The following CWF19L2 variants were observed in gnomAD, a reference collection of about 807,000 sequenced individuals.
The protein encoded by CWF19L2 is CWF19-like protein 2.
In CWF19L2, 98 loss-of-function variants were observed where a neutral mutation model predicts 111.7. The observed-to-expected ratio is 0.88, with a 90% CI of 0.75 to 1.04. The LOEUF (loss-of-function observed/expected upper bound fraction) is 1.04, where lower values mean the gene tolerates loss of function less well. Among genes scored for constraint, CWF19L2 ranks in the 50% least tolerant of loss-of-function variants. The probability of loss-of-function intolerance (pLI) is 0.00; values close to 1 mark genes in which losing one functional copy is unlikely to be tolerated. For synonymous variants in CWF19L2, 351 were observed against 342.9 expected, an observed-to-expected ratio of 1.02 and a Z score of -0.26; for missense variants, 1,101 against 1,051.4, an observed-to-expected ratio of 1.05 and a Z score of -0.65.
chr11:107,331,857 A>G (rs1206723187), intron 16 of CWF19L2, among the ~76,000 whole-genome samples: 1 of 152,222 alleles, frequency 6.6e-6, no homozygotes, highest in African/African-American at 2.4e-5. Flanking sequence ...GCAAAAAGGT[A>G]CAACCTGCTG....
chr11:107,426,809 T>C (rs1486943030), intron 8 of CWF19L2, among the ~76,000 whole-genome samples: 1 of 151,634 alleles, frequency 6.6e-6, no homozygotes, highest in Non-Finnish European at 1.5e-5. Flanking sequence ...AAGTTAAATA[T>C]ATATATTACA....
intron 12 of CWF19L2, among the ~76,000 whole-genome samples, chr11:107,383,328 C>T (rs559959): frequency 0.81 from 123,538 of 152,044 alleles, 50,810 homozygotes; most frequent in African/African-American, 0.94. Flanking sequence ...AGTGTTGGAA[C>T]TGAATTAGAG....
chr11:107,409,650 T>C (rs1861129299), intron 10 of CWF19L2, among the ~76,000 whole-genome samples: 2 of 152,108 alleles, frequency 1.3e-5, no homozygotes, highest in South Asian at 2.1e-4. Flanking sequence ...AGAATTAGGA[T>C]TGGATTTTTC....
chr11:107,337,534 C>T (rs916599536), intron 14 of CWF19L2, among the ~76,000 whole-genome samples: 1 of 151,990 alleles, frequency 6.6e-6, no homozygotes, highest in African/African-American at 2.4e-5. Flanking sequence ...AGCTAGGGAT[C>T]GAAAGAAAGG....
chr11:107,327,061 A>G lies in CWF19L2; in HGVS notation c.2542-8T>C. 1 of 1,580,810 alleles carries G rather than the reference A, an allele frequency of 6.3e-7. No homozygotes were observed. Among genetic ancestry groups the G allele is most frequent in the Non-Finnish European group, 8.6e-7 (1 of 1,168,604 alleles). On this transcript the variant is annotated splice_polypyrimidine_tract_variant and splice_region_variant and intron_variant, in intron 17 of 17. Transcript: ENST00000282251. ...CATCCCACCTATGATTTCCTTTTAAAGAAAGAGAAAAGCACAAACACAAGC... is the reference window on the plus strand; with the variant it reads ...CATCCCACCTATGATTTCCTTTTAAGGAAAGAGAAAAGCACAAACACAAGC...
intron 8 of CWF19L2, among the ~76,000 whole-genome samples, chr11:107,423,791 C>A (rs957387263): frequency 1.3e-5 from 2 of 151,844 alleles, no homozygotes; most frequent in Non-Finnish European, 2.9e-5. Flanking sequence ...TTAAGTCTGA[C>A]AGGATCAGAA....
intron 12 of CWF19L2, among the ~76,000 whole-genome samples, chr11:107,371,370 T>G (rs1197420807): frequency 7.3e-6 from 1 of 137,836 alleles, no homozygotes; most frequent in Non-Finnish European, 1.6e-5. Flanking sequence ...TCCTAATTCC[T>G]ACCTGAATTC....
At position 107,429,722 on chromosome 11, in the gene CWF19L2, C is replaced by G. The variant is rs112767786; in HGVS notation, c.781-271G>C. Among the ~76,000 whole-genome samples, 40 of 148,924 alleles carry G rather than the reference C, an allele frequency of 2.7e-4. 2 individuals are homozygous for G. Among genetic ancestry groups the G allele is most frequent in the African/African-American group, 9.9e-4 (40 of 40,364 alleles). ...CTAACACAAAGTATAACACAGAAAA[C>G]AGTAGAGACAAACTTTGCAAAAAAT... On this transcript the variant is annotated intron_variant, in intron 7 of 17. Coordinates refer to ENST00000282251, the MANE Select transcript of CWF19L2 (RefSeq NM_152434.3).
intron 17 of CWF19L2, among the ~76,000 whole-genome samples, chr11:107,328,722 TG>T (rs1426430163): frequency 6.6e-6 from 1 of 152,214 alleles, no homozygotes; most frequent in African/African-American, 2.4e-5. Flanking sequence ...ACCAAATTTT[TG>T]TTTTGTTTTG....
intron 1 of CWF19L2, among the ~76,000 whole-genome samples, chr11:107,456,489 A>G (rs1861857424): frequency 6.6e-6 from 1 of 152,160 alleles, no homozygotes; most frequent in Admixed American, 6.5e-5. Context: ...ATATGTTGAA[A>G]TTACGAAACA....
intron 10 of CWF19L2, among the ~76,000 whole-genome samples, chr11:107,402,179 T>C (rs1313891525): frequency 6.6e-6 from 1 of 152,074 alleles, no homozygotes; most frequent in African/African-American, 2.4e-5. Context: ...TAGGAAAGCA[T>C]TTCATGACCA....
At chr11:107,431,548 A>G (rs1205908773) in intron 7 of CWF19L2, among the ~76,000 whole-genome samples, 1 of 152,062 alleles carries the variant, frequency 6.6e-6, no homozygotes, top group Non-Finnish European at 1.5e-5. Context: ...ATTTATAACA[A>G]ATTTTGGAAA....
chr11:107,454,862 T>C (rs1459000342), intron 2 of CWF19L2, among the ~76,000 whole-genome samples: 1 of 152,166 alleles, frequency 6.6e-6, no homozygotes, highest in Non-Finnish European at 1.5e-5. Flanking sequence ...AATAAACACA[T>C]ATATACACAA....
At chr11:107,392,201 T>C (rs1591180131) in intron 11 of CWF19L2, among the ~76,000 whole-genome samples, 2 of 152,220 alleles carry the variant, frequency 1.3e-5, no homozygotes, top group Admixed American at 6.5e-5. Flanking sequence ...ACAGTTCTTT[T>C]GTATATGCAA....
rs1304846680 is a variant in CWF19L2 at position 107,327,462 on chromosome 11, T to TTC, written c.2542-411_2542-410dup. On this transcript the variant is annotated intron_variant, in intron 17 of 17. Transcript: ENST00000282251. The stretch of plus-strand genomic sequence containing the variant: ...ACTGCAGTTGAATCCCAAGCTAATG[T>TTC]TCTCTCTCTGCTACCAAGTATATTT... Among the ~76,000 whole-genome samples the TTC allele has an allele frequency of 7.9e-5, 12 of 152,330 alleles. No individual in the cohort carries two copies. The East Asian group carries it at 2.3e-3, about 29-fold the overall frequency.
chr11:107,359,416 G>A (rs1287691859), intron 12 of CWF19L2, among the ~76,000 whole-genome samples: 1 of 152,158 alleles, frequency 6.6e-6, no homozygotes, highest in African/African-American at 2.4e-5. Context: ...ATCCCTTGTA[G>A]GGCTGGGCTA....
intron 16 of CWF19L2, among the ~76,000 whole-genome samples, chr11:107,330,450 A>G (rs1254773369): frequency 6.6e-6 from 1 of 152,158 alleles, no homozygotes; most frequent in African/African-American, 2.4e-5. Flanking sequence ...TTACAGTTAT[A>G]TATTTATCAA....
At chr11:107,414,353 C>G (rs1861197039) in intron 10 of CWF19L2, among the ~76,000 whole-genome samples, 2 of 152,088 alleles carry the variant, frequency 1.3e-5, no homozygotes, top group South Asian at 4.1e-4. Context: ...CCACCACACC[C>G]AGCTAGAGTT....
At chr11:107,362,429 AC>A (rs1433325421) in intron 12 of CWF19L2, among the ~76,000 whole-genome samples, 2 of 152,008 alleles carry the variant, frequency 1.3e-5, no homozygotes, top group Non-Finnish European at 2.9e-5. Flanking sequence ...TCCCTGTCTG[AC>A]AGCTTTGAAG....
Sources: gnomAD v4.1 joint callset for allele counts (sites outside exome capture counted in the v4.1 genomes callset) on GRCh38, gnomAD v4.1.1 for gene constraint, MANE v1.5 for transcripts, NCBI Gene and HGNC (gene_info 2026-07-23, HGNC 2026-07-21) for gene names.